Variants in SLC7A1 observed in about 807,000 individuals in gnomAD.
The protein encoded by SLC7A1 is solute carrier family 7 member 1, also known as high affinity cationic amino acid transporter 1.
Under a neutral mutation model 53.9 loss-of-function variants are expected in SLC7A1, and 10 were observed. The observed-to-expected ratio is 0.19, with a 90% CI of 0.11 to 0.31. The LOEUF is 0.31. Ranked by LOEUF, SLC7A1 falls within the 10% of genes least tolerant of loss-of-function variation. The pLI, the probability that SLC7A1 is intolerant of heterozygous loss-of-function variation, is 1.00. For synonymous variants in SLC7A1, 342 were observed against 338.7 expected (o/e 1.01, Z -0.11); for missense variants, 525 against 827.2 (o/e 0.63, Z 4.48).
chr13:29,547,385 G>A (rs563220749), intron 2 of SLC7A1, among the ~76,000 whole-genome samples: 8 of 152,222 alleles, frequency 5.3e-5, no homozygotes, highest in South Asian at 4.1e-4. Flanking sequence ...GGGCTTCGGC[G>A]GAAAGTTGTG....
At chr13:29,543,419 G>A (rs1357818357) in intron 2 of SLC7A1, among the ~76,000 whole-genome samples, 1 of 151,572 alleles carries the variant, frequency 6.6e-6, no homozygotes, top group Non-Finnish European at 1.5e-5. Context: ...TCAACCAGGG[G>A]TTTCAGTCCT....
intron 2 of SLC7A1, among the ~76,000 whole-genome samples, chr13:29,538,310 C>T (rs1293083977): frequency 1.3e-5 from 2 of 152,028 alleles, no homozygotes; most frequent in Non-Finnish European, 2.9e-5. Flanking sequence ...GAGGAGGGAG[C>T]GCTGCTTGTG....
Position 29,523,415 on chromosome 13 carries a change from G to A in SLC7A1, c.900C>T (p.Ala300=), listed in dbSNP as rs775930066. The change falls in exon 7 of 13, where the codon GCC becomes GCT. Residue 300 remains alanine (A), a synonymous_variant. Coordinates refer to ENST00000380752, the MANE Select transcript of SLC7A1 (RefSeq NM_003045.5). The part of the protein sequence containing the change: ...IVASLLICFI[A]YFGVSAALTL... ...TGAGGGCAGCCGACACCCCAAAGTAGGCGATGAAGCAGATCAAGAGGGACG... is the reference window on the plus strand; with the variant it reads ...TGAGGGCAGCCGACACCCCAAAGTAAGCGATGAAGCAGATCAAGAGGGACG... 6.2e-7 allele frequency: 1 copy of A among 1,613,968 alleles called. No homozygotes were observed. The highest frequency in any genetic ancestry group is 8.5e-7 in the Non-Finnish European group (1 of 1,180,024).
intron 11 of SLC7A1, 59 bp downstream of exon 11, chr13:29,517,085 G>A (rs1883578758): frequency 3.4e-6 from 5 of 1,481,652 alleles, no homozygotes; most frequent in Non-Finnish European, 4.5e-6. Context: ...GGGCTGGCCA[G>A]GCATCAGGAG....
chr13:29,552,894 G>C (rs138856945), intron 2 of SLC7A1, among the ~76,000 whole-genome samples: 1 of 151,860 alleles, frequency 6.6e-6, no homozygotes, highest in African/African-American at 2.4e-5. Flanking sequence ...TAGGGTCTCC[G>C]ACCAAGCTGG....
intron 9 of SLC7A1, 50 bp from the exon 10 acceptor site, chr13:29,517,840 A>G (rs1868428078): frequency 6.9e-7 from 1 of 1,444,968 alleles, no homozygotes. Context: ...AAGCAAAATG[A>G]CGTGCACCAA....
rs112946797 is a variant in SLC7A1 at position 29,557,679 on chromosome 13, A to C, written c.-114-3819T>G. 4.9e-3 allele frequency among the ~76,000 whole-genome samples: 463 copies of C among 95,046 alleles called. 3 individuals carry two copies. The highest frequency in any genetic ancestry group is 0.018 in the African/African-American group (440 of 24,354). 62.4% of individuals were successfully genotyped at this position (95,046 alleles called of 152,430 possible). ...AGGGGGGAGTGAATGTGAATGAGGGAGAGTGAATATGAGTGGGGGGGAGTG... is the reference window on the plus strand; with the variant it reads ...AGGGGGGAGTGAATGTGAATGAGGGCGAGTGAATATGAGTGGGGGGGAGTG... On this transcript the variant is annotated intron_variant, in intron 1 of 12. Transcript: ENST00000380752.
intron 1 of SLC7A1, among the ~76,000 whole-genome samples, chr13:29,577,906 C>T (rs1195910411): frequency 6.6e-6 from 1 of 152,134 alleles, no homozygotes; most frequent in Non-Finnish European, 1.5e-5. Context: ...TCTTCTGGAG[C>T]TCGAGACCCT....
intron 1 of SLC7A1, among the ~76,000 whole-genome samples, chr13:29,576,632 C>T (rs1316806640): frequency 2.0e-5 from 3 of 152,120 alleles, no homozygotes; most frequent in Non-Finnish European, 4.4e-5. Flanking sequence ...ATTTGCTGAG[C>T]GGCCTTGTTC....
At chr13:29,594,245 G>C (rs1212144696) in intron 1 of SLC7A1, among the ~76,000 whole-genome samples, 1 of 152,242 alleles carries the variant, frequency 6.6e-6, no homozygotes, top group Non-Finnish European at 1.5e-5. Flanking sequence ...AATTCTACTA[G>C]TCGAATGTAA....
At chr13:29,587,364 C>T (rs1593586634) in intron 1 of SLC7A1, among the ~76,000 whole-genome samples, 1 of 152,230 alleles carries the variant, frequency 6.6e-6, no homozygotes, top group Admixed American at 6.5e-5. Context: ...AACTTCACTA[C>T]CTGCACCAGT....
At chr13:29,565,399 C>T (rs1054638480) in intron 1 of SLC7A1, among the ~76,000 whole-genome samples, 3 of 152,166 alleles carry the variant, frequency 2.0e-5, no homozygotes, top group Non-Finnish European at 2.9e-5. Flanking sequence ...ACCCAGCAGG[C>T]GTTCCCAGAA....
intron 1 of SLC7A1, among the ~76,000 whole-genome samples, chr13:29,578,653 G>A (rs1042392447): frequency 6.6e-6 from 1 of 152,224 alleles, no homozygotes; most frequent in Non-Finnish European, 1.5e-5. Flanking sequence ...GAGAGGACAC[G>A]GCAAGCTACT....
chr13:29,588,499 CT>C (rs1283848330), intron 1 of SLC7A1, among the ~76,000 whole-genome samples: 8 of 107,746 alleles, frequency 7.4e-5, no homozygotes, highest in Middle Eastern at 6.8e-3. Flanking sequence ...ATTTTCTTTT[CT>C]TTTCTTTCTT....
intron 2 of SLC7A1, among the ~76,000 whole-genome samples, chr13:29,552,219 C>T (rs1338064512): frequency 9.2e-6 from 1 of 108,572 alleles, no homozygotes. Context: ...AGGTGAGGGT[C>T]ATTACACACA....
chr13:29,548,877 T>C (rs930570389), intron 2 of SLC7A1, among the ~76,000 whole-genome samples: 2 of 152,234 alleles, frequency 1.3e-5, no homozygotes, highest in African/African-American at 4.8e-5. Flanking sequence ...ATGTCATGCA[T>C]AAGTAATTCC....
chr13:29,555,380 A>AAAAAAAAAAAAAAAC (rs1403823312), intron 1 of SLC7A1, among the ~76,000 whole-genome samples: 1 of 143,878 alleles, frequency 7.0e-6, no homozygotes, highest in African/African-American at 2.5e-5. Flanking sequence ...AAAAAAAAAA[A>AAAAAAAAAAAAAAAC]AGAATTACAT....
chr13:29,542,681 C>CA (rs141880332), intron 2 of SLC7A1, among the ~76,000 whole-genome samples: 90,276 of 137,292 alleles, frequency 0.66, 28,668 homozygotes, highest in Admixed American at 0.72. Flanking sequence ...GACCCTGTTT[C>CA]AAAAAAAAAA....
At chr13:29,566,466 T>C (rs1206386201) in intron 1 of SLC7A1, among the ~76,000 whole-genome samples, 3 of 152,210 alleles carry the variant, frequency 2.0e-5, no homozygotes, top group African/African-American at 4.8e-5. Context: ...CATTCTGACA[T>C]ATGCTGCAAC....
Sources: allele counts gnomAD v4.1 joint callset (sites outside exome capture counted in the v4.1 genomes callset), GRCh38; gene constraint gnomAD v4.1.1; transcripts MANE v1.5; gene names NCBI Gene and HGNC (gene_info 2026-07-23, HGNC 2026-07-21).